LRRIQ1: variants seen among roughly 807,000 people sequenced by gnomAD.
LRRIQ1 encodes leucine-rich repeat- and IQ domain-containing protein 1.
Under a neutral mutation model 211.9 loss-of-function variants are expected in LRRIQ1, and 210 were observed. The ratio of observed to expected loss-of-function variants is 0.99; its 90% CI spans 0.89 to 1.11. The LOEUF is 1.11. Ranked by LOEUF, LRRIQ1 falls within the 50% of genes most tolerant of loss-of-function variation. LRRIQ1 has a pLI of 0.00. For missense variants in LRRIQ1, 2,136 were observed against 1,939.5 expected (o/e 1.10, Z -1.90); for synonymous variants, 699 against 650.1 (o/e 1.08, Z -1.14).
At chr12:85,065,448 A>T in intron 9 of LRRIQ1, 34 bp downstream of exon 9, 1 of 1,465,206 alleles carries the variant, frequency 6.8e-7, no homozygotes, top group Non-Finnish European at 9.1e-7. Flanking sequence ...TTTATTTTAT[A>T]ATAAAATATA....
At chr12:85,249,977 A>G (rs1437669376), downstream of LRRIQ1, among the ~76,000 whole-genome samples, 1 of 151,876 alleles carries the variant, frequency 6.6e-6, no homozygotes, top group Non-Finnish European at 1.5e-5. Context: ...ACAATGTTGT[A>G]CTAATTTTTT....
downstream of LRRIQ1, among the ~76,000 whole-genome samples, chr12:85,268,438 AC>A (rs1278956027): frequency 6.6e-6 from 1 of 151,988 alleles, no homozygotes; most frequent in African/African-American, 2.4e-5. Context: ...AAATGTTTCC[AC>A]CACCAGGATC....
At chr12:85,249,364 A>G (rs78756294), downstream of LRRIQ1, among the ~76,000 whole-genome samples, 17,202 of 151,854 alleles carry the variant, frequency 0.11, 1,325 homozygotes, top group Middle Eastern at 0.23. Flanking sequence ...ACATATATTC[A>G]TATGTATACA....
At chr12:85,196,859 G>C (rs897249044) in intron 24 of LRRIQ1, among the ~76,000 whole-genome samples, 1 of 152,096 alleles carries the variant, frequency 6.6e-6, no homozygotes, top group African/African-American at 2.4e-5. Context: ...CTTCTGCACT[G>C]CAAAAGAAAC....
At chr12:85,136,824 A>G (rs867908388) in intron 18 of LRRIQ1, among the ~76,000 whole-genome samples, 1 of 151,876 alleles carries the variant, frequency 6.6e-6, no homozygotes, top group Non-Finnish European at 1.5e-5. Flanking sequence ...GGGGTAGCCA[A>G]ATAAATCTAT....
chr12:85,066,875 C>G lies in LRRIQ1; in HGVS notation c.2672C>G (p.Ser891Ter), dbSNP rs1882494033. 1.3e-6 allele frequency: 2 copies of G among 1,522,846 alleles called. No homozygotes were observed. Among genetic ancestry groups the G allele is most frequent in the Non-Finnish European group, 1.8e-6 (2 of 1,122,062 alleles). The allele number at this position is 1,522,846 out of a possible 1,614,324, so 94.3% of individuals were successfully genotyped here. Residue 891 changes from serine to a stop codon, truncating the protein, a stop_gained, in exon 10 of 27, where the codon TCA becomes TGA. Transcript: ENST00000393217. LOFTEE classifies it high-confidence loss of function. ...GCTNIQCLEL[S>*]YNKITRIGYS... ...ACTAATATTCAGTGTCTTGAACTTT[C>G]ATATAATAAAATTACTCGAATTGGT...
intron 19 of LRRIQ1, among the ~76,000 whole-genome samples, chr12:85,146,780 A>G (rs1234976205): frequency 6.6e-6 from 1 of 151,782 alleles, no homozygotes; most frequent in Non-Finnish European, 1.5e-5. Flanking sequence ...AACCATAACT[A>G]AGATTAGTTT....
chr12:85,102,950 A>AT (rs1442736952), intron 13 of LRRIQ1, among the ~76,000 whole-genome samples: 1,576 of 116,834 alleles, frequency 0.013, 61 homozygotes, highest in East Asian at 0.099. Context: ...GTGGCAAAAA[A>AT]AAAAAAAAAA....
At chr12:85,063,582 A>T (rs1397835119) in intron 8 of LRRIQ1, among the ~76,000 whole-genome samples, 1 of 151,558 alleles carries the variant, frequency 6.6e-6, no homozygotes, top group Non-Finnish European at 1.5e-5. Flanking sequence ...ATGTACAATA[A>T]ATTATTATTG....
intron 26 of LRRIQ1, among the ~76,000 whole-genome samples, chr12:85,237,687 C>G (rs1895256825): frequency 6.6e-6 from 1 of 152,044 alleles, no homozygotes; most frequent in Non-Finnish European, 1.5e-5. Context: ...AGGGGTGACT[C>G]TAGCCCTGGA....
chr12:85,060,777 G>A (rs563548435), intron 8 of LRRIQ1, among the ~76,000 whole-genome samples: 1 of 151,948 alleles, frequency 6.6e-6, no homozygotes, highest in South Asian at 2.1e-4. Flanking sequence ...CTTGTTGCTT[G>A]CATTACTTTT....
chr12:85,183,223 G>A (rs7966105), intron 24 of LRRIQ1, among the ~76,000 whole-genome samples: 35,022 of 151,886 alleles, frequency 0.23, 4,488 homozygotes, highest in Admixed American at 0.31. Flanking sequence ...TGCAGTTTTC[G>A]TGATGTCCTA....
At position 85,225,570 on chromosome 12, in the gene LRRIQ1, A is replaced by G. The variant is rs532244489; in HGVS notation, c.4823-3947A>G. Among the ~76,000 whole-genome samples the G allele has an allele frequency of 8.0e-4, 122 of 152,292 alleles. 1 individual carries two copies. The highest frequency in any genetic ancestry group is 2.4e-3 in the African/African-American group (98 of 41,558). ...CTTAAGGTTGTGTTTTGAAGTAAAA[A>G]GCATATATAAACAGTAGTAACTGGA... On this transcript the variant is annotated intron_variant, in intron 24 of 26. Coordinates refer to ENST00000393217, the MANE Select transcript of LRRIQ1 (RefSeq NM_001079910.2).
intron 24 of LRRIQ1, among the ~76,000 whole-genome samples, chr12:85,190,311 T>C (rs1892441399): frequency 6.9e-6 from 1 of 144,096 alleles, no homozygotes; most frequent in South Asian, 2.2e-4. Flanking sequence ...TTATTAACTG[T>C]AACTATACAG....
Position 85,124,462 on chromosome 12 carries a change from T to C in LRRIQ1, c.3950T>C (p.Val1317Ala). The C allele has an allele frequency of 6.2e-7, 1 of 1,613,728 alleles. No individual in the cohort carries two copies. The highest frequency in any genetic ancestry group is 8.5e-7 in the Non-Finnish European group (1 of 1,180,008). ...ACCATAAGAATCCCATTTAAGGAAG[T>C]AGTAATGACAAATTCTTTGCTGAGG... ...IPTIRIPFKEVVMTNSLLRNH... is the reference protein window; with the variant it reads ...IPTIRIPFKEAVMTNSLLRNH... The change falls in exon 17 of 27, where the codon GTA (valine) becomes GCA (alanine). Residue 1317 changes from valine (V) to alanine (A), a missense_variant. Transcript: ENST00000393217.
rs932211216 is a variant in LRRIQ1 at position 85,097,360 on chromosome 12, C to G, written c.2888-995C>G. Among the ~76,000 whole-genome samples, 4 of 152,076 alleles carry G rather than the reference C, an allele frequency of 2.6e-5. No individual in the cohort carries two copies. In the East Asian group the frequency reaches 7.7e-4, roughly 29 times the overall value. Reference sequence around the variant, plus strand: ...AAATAGCAGGGGGAACTGCCACACACTTTTAAACTCATCATTTACATTAGG... The same window carrying G: ...AAATAGCAGGGGGAACTGCCACACAGTTTTAAACTCATCATTTACATTAGG... On this transcript the variant is annotated intron_variant, in intron 11 of 26. Transcript: ENST00000393217.
chr12:85,208,972 C>T lies in LRRIQ1; in HGVS notation c.4823-20545C>T, dbSNP rs147822196. On this transcript the variant is annotated intron_variant, in intron 24 of 26. Transcript: ENST00000393217. ...CAAGCATTCTTGACCCTTTTGAACACATAGAGCACTCAGCTATGAACTTAG... is the reference window on the plus strand; with the variant it reads ...CAAGCATTCTTGACCCTTTTGAACATATAGAGCACTCAGCTATGAACTTAG... Among the ~76,000 whole-genome samples, 52 of 152,220 alleles carry T rather than the reference C, an allele frequency of 3.4e-4. No individual in the cohort carries two copies. The East Asian group carries it at 6.0e-3, about 18-fold the overall frequency.
intron 1 of LRRIQ1, among the ~76,000 whole-genome samples, chr12:85,259,693 T>C (rs1896229223): frequency 1.3e-5 from 2 of 152,196 alleles, no homozygotes; most frequent in Admixed American, 1.3e-4. Flanking sequence ...ACTCATTTTC[T>C]ATAGCATTTT....
intron 24 of LRRIQ1, among the ~76,000 whole-genome samples, chr12:85,181,515 G>A (rs1181512743): frequency 6.6e-6 from 1 of 151,848 alleles, no homozygotes; most frequent in Non-Finnish European, 1.5e-5. Flanking sequence ...TCTATTTAAA[G>A]AGAAATGATT....
Sources: allele counts gnomAD v4.1 joint callset (sites outside exome capture counted in the v4.1 genomes callset), GRCh38; gene constraint gnomAD v4.1.1; transcripts MANE v1.5; gene names NCBI Gene and HGNC (gene_info 2026-07-23, HGNC 2026-07-21).